EBF2: variants seen among roughly 807,000 people sequenced by gnomAD.
EBF2 encodes the protein transcription factor COE2.
In EBF2, 21 loss-of-function variants were observed where a neutral mutation model predicts 72.8. That is an observed-to-expected ratio of 0.29 (90% confidence interval 0.20 to 0.42). EBF2 has a LOEUF of 0.42. EBF2 is among the 10% of genes least tolerant of loss of function. The probability of loss-of-function intolerance (pLI) is 1.00; values close to 1 mark genes in which losing one functional copy is unlikely to be tolerated. For missense variants in EBF2, 637 were observed against 731.2 expected, an observed-to-expected ratio of 0.87 and a Z score of 1.49; for synonymous variants, 299 against 274.2, an observed-to-expected ratio of 1.09 and a Z score of -0.89.
At chr8:25,868,935 A>G (rs1401826094) in intron 10 of EBF2, among the ~76,000 whole-genome samples, 1 of 152,038 alleles carries the variant, frequency 6.6e-6, no homozygotes, top group Non-Finnish European at 1.5e-5. Context: ...TTTTGTTGGC[A>G]GTTTATCATT....
At chr8:25,944,491 G>A (rs1803731635) in intron 6 of EBF2, among the ~76,000 whole-genome samples, 1 of 151,514 alleles carries the variant, frequency 6.6e-6, no homozygotes, top group Non-Finnish European at 1.5e-5. Flanking sequence ...CTTTCTACAT[G>A]GTAGGCATTC....
intron 6 of EBF2, among the ~76,000 whole-genome samples, chr8:25,992,662 G>A (rs565613697): frequency 9.1e-4 from 139 of 152,138 alleles, no homozygotes; most frequent in Admixed American, 2.0e-3. Context: ...CAGCACTTTC[G>A]GAGGCCAAGG....
chr8:25,970,380 C>T (rs1473297509), intron 6 of EBF2, among the ~76,000 whole-genome samples: 3 of 151,932 alleles, frequency 2.0e-5, no homozygotes, highest in South Asian at 2.1e-4. Flanking sequence ...GAAGCAGGTG[C>T]GGGCATATTT....
chr8:25,940,371 C>T (rs1803649405), intron 6 of EBF2, among the ~76,000 whole-genome samples: 1 of 152,156 alleles, frequency 6.6e-6, no homozygotes, highest in Admixed American at 6.5e-5. Context: ...GCCTATATCC[C>T]CATAGATAGC....
intron 7 of EBF2, among the ~76,000 whole-genome samples, chr8:25,898,694 T>A (rs902122003): frequency 6.6e-6 from 1 of 152,176 alleles, no homozygotes; most frequent in Non-Finnish European, 1.5e-5. Flanking sequence ...CATAACATAT[T>A]TGATGCAGTT....
At chr8:26,017,011 C>T (rs1805121276) in intron 6 of EBF2, among the ~76,000 whole-genome samples, 2 of 152,176 alleles carry the variant, frequency 1.3e-5, no homozygotes, top group Admixed American at 1.3e-4. Context: ...AGAAGGAATG[C>T]TGGGAAACGC....
intron 13 of EBF2, among the ~76,000 whole-genome samples, chr8:25,860,741 T>G (rs537019374): frequency 6.6e-6 from 1 of 152,254 alleles, no homozygotes; most frequent in South Asian, 2.1e-4. Context: ...GGTCTCAAAC[T>G]CCAGGGCTCA....
At chr8:25,968,705 G>A (rs1441074267) in intron 6 of EBF2, among the ~76,000 whole-genome samples, 2 of 152,176 alleles carry the variant, frequency 1.3e-5, no homozygotes, top group Admixed American at 1.3e-4. Flanking sequence ...GGGATTACAG[G>A]CATACACCAC....
chr8:25,969,447 C>A (rs1395134858), intron 6 of EBF2, among the ~76,000 whole-genome samples: 1 of 152,170 alleles, frequency 6.6e-6, no homozygotes, highest in African/African-American at 2.4e-5. Context: ...GGAGTAAAGG[C>A]CTGCTGACGC....
rs1662308537 is a variant in EBF2, at chr8:25,955,014, G to A, written c.552-46459C>T. Among the ~76,000 whole-genome samples, 3 of 152,334 alleles carry A rather than the reference G, an allele frequency of 2.0e-5. No homozygotes were observed. The South Asian group carries it at 6.2e-4, about 32-fold the overall frequency. On this transcript the variant is annotated intron_variant, in intron 6 of 15. Transcript: ENST00000520164. ...CAGGTTGTGCAGCCGCTGTAAACAA[G>A]GCGCCCAGGGGCTGCACGCTCTGGG...
chr8:25,938,461 C>A (rs1467343732), intron 6 of EBF2, among the ~76,000 whole-genome samples: 1 of 150,948 alleles, frequency 6.6e-6, no homozygotes, highest in Non-Finnish European at 1.5e-5. Flanking sequence ...CCTTCATTTA[C>A]AGCCAATATA....
At chr8:26,019,063 G>T (rs1392924177) in intron 6 of EBF2, among the ~76,000 whole-genome samples, 1 of 152,134 alleles carries the variant, frequency 6.6e-6, no homozygotes, top group Non-Finnish European at 1.5e-5. Flanking sequence ...GAAAGGAGAG[G>T]CTTTTATTTA....
At chr8:25,996,295 C>CAAAAAAAA (rs72054331) in intron 6 of EBF2, among the ~76,000 whole-genome samples, 1 of 125,520 alleles carries the variant, frequency 8.0e-6, no homozygotes, top group Non-Finnish European at 1.7e-5. Context: ...GACCCTGTCT[C>CAAAAAAAA]AAAAAAAAAA....
At chr8:25,944,571 T>A (rs900892065) in intron 6 of EBF2, among the ~76,000 whole-genome samples, 1 of 149,024 alleles carries the variant, frequency 6.7e-6, no homozygotes, top group Admixed American at 6.7e-5. Flanking sequence ...ATTTATATAT[T>A]GAATATATTA....
At chr8:25,957,737 G>C (rs1025172679) in intron 6 of EBF2, among the ~76,000 whole-genome samples, 1 of 152,124 alleles carries the variant, frequency 6.6e-6, no homozygotes, top group Non-Finnish European at 1.5e-5. Context: ...GTGGTGGCAC[G>C]CACCTGTAGT....
intron 6 of EBF2, among the ~76,000 whole-genome samples, chr8:25,973,223 AAAAAAT>A (rs894629068): frequency 2.6e-5 from 4 of 152,170 alleles, no homozygotes; most frequent in African/African-American, 9.7e-5. Flanking sequence ...GGCAGACTTA[AAAAAAT>A]AAAAATAAAA....
rs138023531 is a variant in EBF2, at chr8:26,031,426, CTTTTTTTTTTTTTTT to C, written c.551+1644_551+1658del. The stretch of plus-strand genomic sequence containing the variant: ...CTGCTGTATTCCTTTTTTTCTTTTT[CTTTTTTTTTTTTTTT>C]TTTTTTTTGAGACAGAGTCTCACTG... On this transcript the variant is annotated intron_variant, in intron 6 of 15. Transcript: ENST00000520164. 4.9e-5 allele frequency: 4 copies of C among 82,024 alleles called. No homozygotes were observed. The East Asian group carries it at 1.2e-3, about 24-fold the overall frequency. 5.1% of individuals were successfully genotyped at this position (82,024 alleles called of 1,614,324 possible). A position where few individuals can be genotyped will look rare whatever the true frequency, so the allele number is the denominator to read the frequency against.
At chr8:26,042,305 G>T (rs1345121797) in intron 1 of EBF2, 54 bp from the exon 2 acceptor site, 2 of 1,564,046 alleles carry the variant, frequency 1.3e-6, no homozygotes, top group Non-Finnish European at 1.7e-6. Flanking sequence ...ACAAAAAGGC[G>T]ATGTTACTAA....
At chr8:26,040,001 G>A in intron 5 of EBF2, 27 bp downstream of exon 5, 1 of 1,611,128 alleles carries the variant, frequency 6.2e-7, no homozygotes, top group Non-Finnish European at 8.5e-7. Context: ...GGCTCTCCAG[G>A]AAGGCCTGGG....
Sources: allele counts gnomAD v4.1 joint callset (sites outside exome capture counted in the v4.1 genomes callset), GRCh38; gene constraint gnomAD v4.1.1; transcripts MANE v1.5; gene names NCBI Gene and HGNC (gene_info 2026-07-23, HGNC 2026-07-21).